The following EYA1 variants were observed in gnomAD, a reference collection of about 807,000 sequenced individuals.
EYA1 encodes the protein EYA transcriptional coactivator and phosphatase 1.
A neutral mutation model predicts 82.0 loss-of-function variants in EYA1; 16 were observed. The ratio of observed to expected loss-of-function variants is 0.20; its 90% CI spans 0.13 to 0.30. The LOEUF (loss-of-function observed/expected upper bound fraction) is 0.30, where lower values mean the gene tolerates loss of function less well. EYA1 is among the 10% of genes least tolerant of loss of function. EYA1 has a pLI of 1.00. For missense variants in EYA1, 633 were observed against 730.7 expected (o/e 0.87, Z 1.54); for synonymous variants, 261 against 264.4 (o/e 0.99, Z 0.12).
chr8:71,504,727 A>G (rs1812060403), intron 2 of EYA1, among the ~76,000 whole-genome samples: 1 of 152,186 alleles, frequency 6.6e-6, no homozygotes, highest in African/African-American at 2.4e-5. Context: ...TCCATTTAAA[A>G]AAAAATCATC....
At chr8:71,437,864 A>G (rs576594982) in intron 2 of EYA1, among the ~76,000 whole-genome samples, 2 of 152,306 alleles carry the variant, frequency 1.3e-5, no homozygotes, top group East Asian at 3.9e-4. Context: ...AGTTGGAAAA[A>G]CAACTTTTGA....
At chr8:71,233,641 C>A (rs1477362089) in intron 12 of EYA1, among the ~76,000 whole-genome samples, 1 of 151,516 alleles carries the variant, frequency 6.6e-6, no homozygotes, top group Admixed American at 6.6e-5. Context: ...AATCCCCAAA[C>A]TGGAACCACG....
At chr8:71,494,704 TA>T (rs1781678428) in intron 2 of EYA1, among the ~76,000 whole-genome samples, 1 of 152,176 alleles carries the variant, frequency 6.6e-6, no homozygotes, top group South Asian at 2.1e-4. Flanking sequence ...GAGCAAGGTT[TA>T]CATGCCAAGG....
chr8:71,530,953 A>C (rs1814218475), intron 2 of EYA1: 1 of 152,210 alleles, frequency 6.6e-6, no homozygotes, highest in Admixed American at 6.5e-5. Flanking sequence ...TTGAAAGAAA[A>C]GTAAGTTAAG....
chr8:71,519,095 T>C (rs941580247), intron 2 of EYA1, among the ~76,000 whole-genome samples: 1 of 152,168 alleles, frequency 6.6e-6, no homozygotes, highest in East Asian at 1.9e-4. Context: ...AAGTACTTTT[T>C]CCCCTATGAC....
chr8:71,388,234 T>C (rs1033495956), intron 2 of EYA1, among the ~76,000 whole-genome samples: 1 of 152,176 alleles, frequency 6.6e-6, no homozygotes, highest in African/African-American at 2.4e-5. Context: ...CAAGGTCTTA[T>C]AGCGAAGTGG....
chr8:71,231,180 C>G (rs1811148761), intron 12 of EYA1, among the ~76,000 whole-genome samples: 2 of 152,182 alleles, frequency 1.3e-5, no homozygotes, highest in Admixed American at 6.5e-5. Context: ...CACATCAGCC[C>G]CTGTTCTCTG....
At chr8:71,398,401 GCT>G (rs1829757179) in intron 2 of EYA1, among the ~76,000 whole-genome samples, 1 of 152,196 alleles carries the variant, frequency 6.6e-6, no homozygotes, top group African/African-American at 2.4e-5. Context: ...CAGCTTTTCT[GCT>G]CTGGTTTCTT....
intron 12 of EYA1, among the ~76,000 whole-genome samples, chr8:71,233,985 C>T (rs7839798): frequency 1.3e-5 from 2 of 152,030 alleles, no homozygotes; most frequent in African/African-American, 4.8e-5. Flanking sequence ...GGGGGTAGAC[C>T]GAGGTATGCA....
At chr8:71,532,493 T>C (rs934043337) in intron 2 of EYA1, among the ~76,000 whole-genome samples, 1 of 152,228 alleles carries the variant, frequency 6.6e-6, no homozygotes, top group Non-Finnish European at 1.5e-5. Context: ...CCATTGAGAC[T>C]TGAGAAAGAA....
At chr8:71,211,895 C>T (rs1008231220) in intron 16 of EYA1, among the ~76,000 whole-genome samples, 2 of 152,136 alleles carry the variant, frequency 1.3e-5, no homozygotes, top group African/African-American at 4.8e-5. Context: ...TGGTACCTGC[C>T]TTACCCAGGC....
chr8:71,300,290 A>C (rs532137901), intron 7 of EYA1, among the ~76,000 whole-genome samples: 1 of 152,338 alleles, frequency 6.6e-6, no homozygotes, highest in African/African-American at 2.4e-5. Context: ...TATGCTGTCA[A>C]GATAATGTTC....
At chr8:71,546,574 C>G (rs1180554189) in intron 1 of EYA1, among the ~76,000 whole-genome samples, 1 of 150,378 alleles carries the variant, frequency 6.6e-6, no homozygotes, top group Non-Finnish European at 1.5e-5. Flanking sequence ...AATCTCGGCT[C>G]ACTGCAACCT....
At chr8:71,228,612 A>G (rs1437802888) in intron 12 of EYA1, among the ~76,000 whole-genome samples, 1 of 152,244 alleles carries the variant, frequency 6.6e-6, no homozygotes, top group Non-Finnish European at 1.5e-5. Context: ...CATGAGTATT[A>G]TGTGTGTTAT....
intron 2 of EYA1, among the ~76,000 whole-genome samples, chr8:71,370,833 C>T (rs1166190680): frequency 6.6e-6 from 1 of 151,840 alleles, no homozygotes; most frequent in Non-Finnish European, 1.5e-5. Flanking sequence ...CTCTGTTGCC[C>T]AGGCAAGTCT....
Position 71,233,361 on chromosome 8 carries a change from G to A in EYA1, c.1140+11242C>T, listed in dbSNP as rs527513567. On this transcript the variant is annotated intron_variant, in intron 12 of 17. Transcript: ENST00000340726. Reference sequence around the variant, plus strand: ...GGGCAGATCACGAGGTCAGGAGATCGAGACCATCCTGGCTAACACAGTGAA... The same window carrying A: ...GGGCAGATCACGAGGTCAGGAGATCAAGACCATCCTGGCTAACACAGTGAA... 5.3e-5 allele frequency among the ~76,000 whole-genome samples: 8 copies of A among 151,980 alleles called. No homozygotes were observed. In the East Asian group the frequency reaches 1.6e-3, roughly 30 times the overall value.
chr8:71,448,256 G>C (rs1370549630), intron 2 of EYA1, among the ~76,000 whole-genome samples: 1 of 152,000 alleles, frequency 6.6e-6, no homozygotes, highest in African/African-American at 2.4e-5. Context: ...TCTCAACTAG[G>C]CTGATGTAAT....
intron 2 of EYA1, chr8:71,531,261 C>G (rs1814249937): frequency 6.6e-6 from 1 of 152,138 alleles, no homozygotes; most frequent in South Asian, 2.1e-4. Flanking sequence ...TCCCACTTGA[C>G]CTACAAAATT....
At position 71,287,557 on chromosome 8, in the gene EYA1, T is replaced by G. The variant is rs143826949; in HGVS notation, c.826+11490A>C. ...TTCCAGTAATCTCTGGATAACCTGGTAGAAACCTCTAATTATTCTTCTTAC... is the reference window on the plus strand; with the variant it reads ...TTCCAGTAATCTCTGGATAACCTGGGAGAAACCTCTAATTATTCTTCTTAC... On this transcript the variant is annotated intron_variant, in intron 9 of 17. Coordinates refer to ENST00000340726, the MANE Select transcript of EYA1 (RefSeq NM_000503.6). Among the ~76,000 whole-genome samples, 111 of 152,352 alleles carry G rather than the reference T, an allele frequency of 7.3e-4. 1 individual carries two copies. In the East Asian group the frequency reaches 0.014, roughly 19 times the overall value.
Sources: allele counts gnomAD v4.1 joint callset (sites outside exome capture counted in the v4.1 genomes callset), GRCh38; gene constraint gnomAD v4.1.1; transcripts MANE v1.5; gene names NCBI Gene and HGNC (gene_info 2026-07-23, HGNC 2026-07-21).